PJA2: variants seen among roughly 807,000 people sequenced by gnomAD.
PJA2 encodes the protein E3 ubiquitin-protein ligase Praja-2.
In PJA2, 25 loss-of-function variants were observed where a neutral mutation model predicts 69.3. That is an observed-to-expected ratio of 0.36 (90% confidence interval 0.26 to 0.50). The LOEUF is 0.50. Among genes scored for constraint, PJA2 ranks in the 20% least tolerant of loss-of-function variants. The pLI is 0.96. For synonymous variants in PJA2, 308 were observed against 277.8 expected (o/e 1.11, Z -1.08); for missense variants, 809 against 830.2 (o/e 0.97, Z 0.31).
chr5:109,382,409 A>C (rs1366777635), intron 2 of PJA2, among the ~76,000 whole-genome samples: 1 of 152,244 alleles, frequency 6.6e-6, no homozygotes, highest in Admixed American at 6.5e-5. Flanking sequence ...ATACAGTAGT[A>C]AACAGCAGCA....
intron 7 of PJA2, among the ~76,000 whole-genome samples, chr5:109,353,627 C>A (rs903675375): frequency 7.9e-6 from 1 of 126,074 alleles, no homozygotes; most frequent in Admixed American, 7.9e-5. Flanking sequence ...ATATTAGATA[C>A]CTATATCATA....
At chr5:109,387,665 T>C (rs1373438723) in intron 1 of PJA2, among the ~76,000 whole-genome samples, 1 of 152,188 alleles carries the variant, frequency 6.6e-6, no homozygotes, top group Non-Finnish European at 1.5e-5. Context: ...AATTTCTGGA[T>C]CTCTGAATTA....
intron 1 of PJA2, among the ~76,000 whole-genome samples, chr5:109,398,367 G>T (rs1253051493): frequency 1.3e-5 from 2 of 151,980 alleles, no homozygotes; most frequent in Admixed American, 6.6e-5. Context: ...CATAGACTTG[G>T]AACCAACCCA....
At chr5:109,343,469 C>T (rs939373366) in intron 9 of PJA2, among the ~76,000 whole-genome samples, 4 of 149,396 alleles carry the variant, frequency 2.7e-5, no homozygotes, top group African/African-American at 9.9e-5. Context: ...ATTTCAGAAA[C>T]ACCAACCTGT....
At chr5:109,381,457 T>C (rs1251119740) in intron 3 of PJA2, 46 bp downstream of exon 3, 6 of 1,523,274 alleles carry the variant, frequency 3.9e-6, no homozygotes, top group Non-Finnish European at 4.5e-6. Flanking sequence ...TAAGATCAAT[T>C]CCTATATAAC....
intron 9 of PJA2, among the ~76,000 whole-genome samples, chr5:109,342,361 G>A (rs1254474143): frequency 4.2e-5 from 5 of 118,702 alleles, no homozygotes; most frequent in East Asian, 2.6e-4. Flanking sequence ...CAGCCGCCCC[G>A]TCCGGGAGGG....
chr5:109,400,186 A>T (rs1019405555), intron 1 of PJA2, among the ~76,000 whole-genome samples: 1 of 151,794 alleles, frequency 6.6e-6, no homozygotes, highest in Non-Finnish European at 1.5e-5. Context: ...GCTACTCAGG[A>T]GGCTGAGGTA....
At chr5:109,362,354 A>C (rs977926962) in intron 6 of PJA2, among the ~76,000 whole-genome samples, 1 of 152,208 alleles carries the variant, frequency 6.6e-6, no homozygotes, top group Non-Finnish European at 1.5e-5. Context: ...GTCAAGCATA[A>C]AGTAAATTAA....
In PJA2 at chr5:109,339,029, G is replaced by T. The variant is rs766064559; in HGVS notation, c.2002-1673C>A. On this transcript the variant is annotated intron_variant, in intron 9 of 9. Transcript: ENST00000361189. ...ACCTATATCATCTAATCTTACAGAT[G>T]GTATAGGGAAAAATCATGCCAGACT... Among the ~76,000 whole-genome samples, 7 of 152,244 alleles carry T rather than the reference G, an allele frequency of 4.6e-5. No individual in the cohort carries two copies. In the South Asian group the frequency reaches 6.2e-4, roughly 14 times the overall value.
At position 109,381,582 on chromosome 5, in the gene PJA2, T is replaced by C. The variant is rs1747049163; in HGVS notation, c.153A>G (p.Arg51=). ...CAGCCCGACCTAAGCTTCTTTCATG[T>C]CTGGTCATACATGGTTTAAAACTGA... ...AYVSFKPCMT[R]HERSLGRAGD... The change falls in exon 3 of 10, where the codon AGA becomes AGG. Residue 51 remains arginine (R), a synonymous_variant. Coordinates refer to ENST00000361189, the MANE Select transcript of PJA2 (RefSeq NM_014819.5). 6.2e-7 allele frequency: 1 copy of C among 1,614,160 alleles called. No individual in the cohort carries two copies. Among genetic ancestry groups the C allele is most frequent in the Non-Finnish European group, 8.5e-7 (1 of 1,180,026 alleles).
intron 7 of PJA2, among the ~76,000 whole-genome samples, chr5:109,352,344 T>C (rs1191864611): frequency 6.6e-6 from 1 of 152,176 alleles, no homozygotes; most frequent in Non-Finnish European, 1.5e-5. Context: ...TATCTCCATA[T>C]TGTAGGAAAT....
chr5:109,363,589 T>C (rs1375115232), intron 5 of PJA2, among the ~76,000 whole-genome samples: 1 of 152,238 alleles, frequency 6.6e-6, no homozygotes, highest in African/African-American at 2.4e-5. Flanking sequence ...TACTTTCTTC[T>C]TGATGTTCAT....
chr5:109,368,687 T>C lies in PJA2; in HGVS notation c.1343A>G (p.Glu448Gly). 6.2e-7 allele frequency: 1 copy of C among 1,614,176 alleles called. No homozygotes were observed. The highest frequency in any genetic ancestry group is 8.5e-7 in the Non-Finnish European group (1 of 1,180,022). Reference sequence around the variant, plus strand: ...TTCATCACTTGAGGATTGATCTTTTTCTGTACCAGAAAATCGATGAGGCAA... The same window carrying C: ...TTCATCACTTGAGGATTGATCTTTTCCTGTACCAGAAAATCGATGAGGCAA... ...ASLPHRFSGT[E>G]KDQSSSDESW... Residue 448 changes from glutamate (E) to glycine (G), a missense_variant, in exon 5 of 10, where the codon GAA (glutamate) becomes GGA (glycine). Glu to Gly is a moderately conservative substitution (Grantham distance 98, BLOSUM62 -2). Around this residue, in one of 4 missense-constraint regions of PJA2, gnomAD observed 700 missense variants for 639.5 expected, o/e 1.09. Transcript: ENST00000361189.
chr5:109,336,155 G>C lies in PJA2; in HGVS notation c.*1076C>G, dbSNP rs768304874. Reference sequence around the variant, plus strand: ...AGTTAGACGGACATACACTCACTATGTGCTTTACTATTTTACTTGCTCAAA... The same window carrying C: ...AGTTAGACGGACATACACTCACTATCTGCTTTACTATTTTACTTGCTCAAA... On this transcript the variant is annotated 3_prime_UTR_variant, in exon 10 of 10. Coordinates refer to ENST00000361189, the MANE Select transcript of PJA2 (RefSeq NM_014819.5). 6.6e-6 allele frequency: 1 copy of C among 152,332 alleles called. No homozygotes were observed. The highest frequency in any genetic ancestry group is 1.5e-5 in the Non-Finnish European group (1 of 68,016). 9.4% of individuals were successfully genotyped at this position (152,332 alleles called of 1,614,324 possible). A position where few individuals can be genotyped will look rare whatever the true frequency, so the allele number is the denominator to read the frequency against.
chr5:109,395,956 C>A (rs1187197270), intron 1 of PJA2, among the ~76,000 whole-genome samples: 1 of 148,458 alleles, frequency 6.7e-6, no homozygotes, highest in Non-Finnish European at 1.5e-5. Flanking sequence ...GCCGAGAATG[C>A]ACCACTGCAC....
chr5:109,337,528 T>C (rs906380426), intron 9 of PJA2, among the ~76,000 whole-genome samples, 172 bp from the exon 10 acceptor site: 3 of 152,178 alleles, frequency 2.0e-5, no homozygotes, highest in Admixed American at 6.5e-5. Context: ...TTTTCCTCCC[T>C]GCCCAATCAG....
At chr5:109,338,288 C>T (rs907970044) in intron 9 of PJA2, among the ~76,000 whole-genome samples, 11 of 152,146 alleles carry the variant, frequency 7.2e-5, no homozygotes, top group Non-Finnish European at 1.2e-4. Context: ...CTTTGTGTTA[C>T]AGCAAAGTCT....
intron 6 of PJA2, among the ~76,000 whole-genome samples, chr5:109,359,836 T>C (rs1373342795): frequency 1.3e-5 from 2 of 152,236 alleles, no homozygotes; most frequent in African/African-American, 4.8e-5. Context: ...TCAGCATTAA[T>C]TTGCTGACTT....
At chr5:109,382,486 A>T (rs1485094471) in intron 2 of PJA2, among the ~76,000 whole-genome samples, 3 of 152,208 alleles carry the variant, frequency 2.0e-5, no homozygotes, top group Non-Finnish European at 4.4e-5. Context: ...TGCTTAGTCA[A>T]TTATACATTA....
Sources: gnomAD v4.1 joint callset for allele counts (sites outside exome capture counted in the v4.1 genomes callset) on GRCh38, gnomAD v4.1.1 for gene constraint, gnomAD v4.1.1 regional missense constraint, MANE v1.5 for transcripts, NCBI Gene and HGNC (gene_info 2026-07-23, HGNC 2026-07-21) for gene names.